Variants in NEMF observed in about 807,000 individuals in gnomAD.
The protein encoded by NEMF is ribosome quality control complex subunit NEMF.
A neutral mutation model predicts 162.2 loss-of-function variants in NEMF; 89 were observed. The ratio of observed to expected loss-of-function variants is 0.55; its 90% CI spans 0.46 to 0.65. The LOEUF is 0.65. Among genes scored for constraint, NEMF ranks in the 30% least tolerant of loss-of-function variants. NEMF has a pLI of 0.00. For missense variants in NEMF, 1,133 were observed against 1,261.9 expected (o/e 0.90, Z 1.55); for synonymous variants, 421 against 404.5 (o/e 1.04, Z -0.49).
At chr14:49,836,009 T>G (rs1364408918) in intron 6 of NEMF, among the ~76,000 whole-genome samples, 1 of 152,096 alleles carries the variant, frequency 6.6e-6, no homozygotes, top group Non-Finnish European at 1.5e-5. Flanking sequence ...AAACGGCAAT[T>G]CTCCCCAAAC....
Position 49,800,623 on chromosome 14 carries a change from C to T in NEMF, c.2169G>A (p.Gln723=). The T allele has an allele frequency of 6.2e-7, 1 of 1,613,944 alleles. No homozygotes were observed. Among genetic ancestry groups the T allele is most frequent in the East Asian group, 2.2e-5 (1 of 44,858 alleles). ...GAAGAGTGATATCCTCTTGGTCAAC[C>T]TGAGTCATGAGTTCTACTTCCACAG... is the stretch of plus-strand genomic sequence containing the variant. The part of the protein sequence containing the change: ...ETPVEVELMT[Q]VDQEDITLQS... The change falls in exon 23 of 33, where the codon CAG becomes CAA. Residue 723 remains glutamine, a synonymous_variant. Coordinates refer to ENST00000298310, the MANE Select transcript of NEMF (RefSeq NM_004713.6).
chr14:49,831,461 A>AAT, intron 10 of NEMF, 100 bp from the exon 11 acceptor site: 1 of 754,312 alleles, frequency 1.3e-6, no homozygotes, highest in East Asian at 2.5e-5. Context: ...TTTTTGAGAC[A>AAT]GAGTCTCACT....
intron 4 of NEMF, chr14:49,845,829 C>A (rs1256685679): frequency 2.4e-6 from 1 of 418,918 alleles, no homozygotes; most frequent in Non-Finnish European, 4.2e-6. Flanking sequence ...CAGTGCATGA[C>A]CGTATTTGAC....
In NEMF at chr14:49,782,488, A is replaced by C; in HGVS notation, c.*2148T>G. ...TATACTACCTTCACATTATTACTGA[A>C]ACTTACTTGCAAAGCATTTGCTTTT... On this transcript the variant is annotated 3_prime_UTR_variant, in exon 33 of 33. Coordinates refer to ENST00000298310, the MANE Select transcript of NEMF (RefSeq NM_004713.6). 1.9e-6 allele frequency: 3 copies of C among 1,597,384 alleles called. No homozygotes were observed. Among genetic ancestry groups the C allele is most frequent in the Non-Finnish European group, 2.6e-6 (3 of 1,167,808 alleles).
At chr14:49,848,078 G>C (rs1451757011) in intron 3 of NEMF, among the ~76,000 whole-genome samples, 1 of 150,230 alleles carries the variant, frequency 6.7e-6, no homozygotes, top group Admixed American at 6.6e-5. Context: ...CTGTTGCCCA[G>C]GCAAGGCTCA....
intron 26 of NEMF, among the ~76,000 whole-genome samples, chr14:49,791,818 A>T (rs1031938564): frequency 1.3e-5 from 2 of 152,146 alleles, no homozygotes; most frequent in Non-Finnish European, 2.9e-5. Context: ...TCAAAAAAAA[A>T]TTGAGAAAGA....
Position 49,789,157 on chromosome 14 carries a change from G to A in NEMF, c.2884C>T (p.His962Tyr), listed in dbSNP as rs960815339. 21 of 1,613,416 alleles carry A rather than the reference G, an allele frequency of 1.3e-5. No individual in the cohort carries two copies. Among genetic ancestry groups the A allele is most frequent in the Non-Finnish European group, 1.7e-5 (20 of 1,179,682 alleles). The change falls in exon 28 of 33, where the codon CAT (histidine) becomes TAT (tyrosine). Residue 962 changes from histidine (H) to tyrosine (Y), a missense_variant. This residue lies in a region of NEMF where 532 missense variants were observed against 578.6 expected (regional missense o/e 0.92). Coordinates refer to ENST00000298310, the MANE Select transcript of NEMF (RefSeq NM_004713.6). Reference sequence around the variant, plus strand: ...CAAAGTAGCCATACCTTGTCATCATGTGGATCATCTACAGCAAAGTCTTGT... The same window carrying A: ...CAAAGTAGCCATACCTTGTCATCATATGGATCATCTACAGCAAAGTCTTGT... ...ELQDFAVDDPHDDKEEQDLDQ... is the reference protein window; with the variant it reads ...ELQDFAVDDPYDDKEEQDLDQ...
chr14:49,806,206 G>T, intron 18 of NEMF, 73 bp from the exon 19 acceptor site: 1 of 646,816 alleles, frequency 1.5e-6, no homozygotes, highest in East Asian at 3.8e-5. Context: ...AAAATCACAT[G>T]CCGCATGACA....
intron 3 of NEMF, among the ~76,000 whole-genome samples, chr14:49,851,329 G>C (rs1231305259): frequency 6.6e-6 from 1 of 152,214 alleles, no homozygotes; most frequent in Non-Finnish European, 1.5e-5. Flanking sequence ...ATAAAAGCTT[G>C]AACTCTAATA....
chr14:49,782,338 T>G lies in NEMF; in HGVS notation c.*2298A>C. 1 of 1,490,556 alleles carries G rather than the reference T, an allele frequency of 6.7e-7. No individual in the cohort carries two copies. The highest frequency in any genetic ancestry group is 9.3e-7 in the Non-Finnish European group (1 of 1,076,830). The allele number at this position is 1,490,556 out of a possible 1,614,324, so 92.3% of individuals were successfully genotyped here. ...TAAAATGGCCAACTGGTGTTCTGGG[T>G]GGCTTCAAACTCGTTTTTGTTTTAA... On this transcript the variant is annotated 3_prime_UTR_variant, in exon 33 of 33. Transcript: ENST00000298310.
At chr14:49,850,111 CTTTT>C (rs549757868) in intron 3 of NEMF, among the ~76,000 whole-genome samples, 1 of 149,168 alleles carries the variant, frequency 6.7e-6, no homozygotes, top group African/African-American at 2.5e-5. Flanking sequence ...AGGTGCCTTT[CTTTT>C]TTTTTTAGAT....
Position 49,785,229 on chromosome 14 carries a change from G to A in NEMF, c.3020C>T (p.Thr1007Ile). 1.9e-6 allele frequency: 3 copies of A among 1,613,048 alleles called. No individual in the cohort carries two copies. The highest frequency in any genetic ancestry group is 2.5e-6 in the Non-Finnish European group (3 of 1,179,080). The stretch of plus-strand genomic sequence containing the variant: ...ACTAATGGTAACTTACTTGTAGTTT[G>A]TCATGGTGGTGTAAGGGGCACATAT... Reference protein sequence around the residue: ...IPICAPYTTMTNYKYKVKLTP... With the variant: ...IPICAPYTTMINYKYKVKLTP... Residue 1007 changes from threonine (T) to isoleucine (I), a missense_variant, in exon 30 of 33, where the codon ACA (threonine) becomes ATA (isoleucine). Coordinates refer to ENST00000298310, the MANE Select transcript of NEMF (RefSeq NM_004713.6).
chr14:49,838,718 A>G (rs60028992), intron 5 of NEMF, among the ~76,000 whole-genome samples: 24,139 of 149,566 alleles, frequency 0.16, 2,167 homozygotes, highest in Non-Finnish European at 0.21. Context: ...CCGAGTAGCT[A>G]GGACTACAGG....
intron 26 of NEMF, among the ~76,000 whole-genome samples, chr14:49,794,450 AT>A (rs755946347): frequency 6.6e-6 from 1 of 152,082 alleles, no homozygotes; most frequent in Non-Finnish European, 1.5e-5. Flanking sequence ...AAACATCTTT[AT>A]AAAGATTATA....
intron 5 of NEMF, among the ~76,000 whole-genome samples, chr14:49,840,142 A>AG (rs1427872749): frequency 1.3e-5 from 2 of 151,902 alleles, no homozygotes; most frequent in Admixed American, 6.6e-5. Flanking sequence ...GCCTCAGGGA[A>AG]GGGGGAGTGA....
At chr14:49,804,152 G>A (rs183336187) in intron 19 of NEMF, among the ~76,000 whole-genome samples, 36 of 150,974 alleles carry the variant, frequency 2.4e-4, no homozygotes, top group Non-Finnish European at 4.0e-4. Flanking sequence ...TTACAGGTGC[G>A]CACCACCACG....
rs138430071 is a variant in NEMF, at chr14:49,797,894, G to A, written c.2465+1581C>T. On this transcript the variant is annotated intron_variant, in intron 25 of 32. Transcript: ENST00000298310. ...TGGCCACGGCTACCATCTGTGCAGAGTTTACATGTTCTCCCCATGTCTTTG... is the reference window on the plus strand; with the variant it reads ...TGGCCACGGCTACCATCTGTGCAGAATTTACATGTTCTCCCCATGTCTTTG... Among the ~76,000 whole-genome samples the A allele has an allele frequency of 4.0e-3, 605 of 152,296 alleles. 1 individual carries two copies. The highest frequency in any genetic ancestry group is 7.8e-3 in the Admixed American group (120 of 15,288).
Position 49,828,312 on chromosome 14 carries a change from C to A in NEMF, c.1467G>T (p.Lys489Asn). ...HKRYAAKKTQKTVEAAEKAFK... is the reference protein window; with the variant it reads ...HKRYAAKKTQNTVEAAEKAFK... ...GTACCTTCTCAGCAGCTTCAACAGT[C>A]TTTTGTGTTTTCTTAGCAGCATATC... is the stretch of plus-strand genomic sequence containing the variant. The change falls in exon 15 of 33, where the codon AAG (lysine) becomes AAT (asparagine). Residue 489 changes from lysine to asparagine, a missense_variant. Lys to Asn is a moderately conservative substitution (Grantham distance 94). This residue lies in a region of NEMF where 582 missense variants were observed against 631.5 expected (regional missense o/e 0.92). Transcript: ENST00000298310. 1 of 1,606,204 alleles carries A rather than the reference C, an allele frequency of 6.2e-7. No individual in the cohort carries two copies.
chr14:49,819,294 C>CA lies in NEMF; in HGVS notation c.1578-4438dup, dbSNP rs1423662192. Among the ~76,000 whole-genome samples, 8 of 151,570 alleles carry CA rather than the reference C, an allele frequency of 5.3e-5. No homozygotes were observed. In the East Asian group the frequency reaches 7.7e-4, roughly 15 times the overall value. On this transcript the variant is annotated intron_variant, in intron 16 of 32. Transcript: ENST00000298310. ...TTTTTAAGTGCTCTTACCAGACACA[C>CA]AAAAAACAGAGTAACTACGTGAGAT...
Sources: gnomAD v4.1 joint callset for allele counts (sites outside exome capture counted in the v4.1 genomes callset) on GRCh38, gnomAD v4.1.1 for gene constraint, gnomAD v4.1.1 regional missense constraint, MANE v1.5 for transcripts, NCBI Gene and HGNC (gene_info 2026-07-23, HGNC 2026-07-21) for gene names.